Variants in BCAR3 observed in about 807,000 individuals in gnomAD.
The protein encoded by BCAR3 is breast cancer anti-estrogen resistance protein 3.
In BCAR3, 37 loss-of-function variants were observed where a neutral mutation model predicts 80.1. That is an observed-to-expected ratio of 0.46 (90% CI 0.36 to 0.61). The LOEUF (loss-of-function observed/expected upper bound fraction) is 0.61, where lower values mean the gene tolerates loss of function less well. Among genes scored for constraint, BCAR3 ranks in the 20% least tolerant of loss-of-function variants. BCAR3 has a pLI of 0.00. For synonymous variants in BCAR3, 389 were observed against 418.9 expected (o/e 0.93, Z 0.87); for missense variants, 978 against 1,068.2 (o/e 0.92, Z 1.18).
chr1:93,801,160 T>C (rs74101551), intron 2 of BCAR3, among the ~76,000 whole-genome samples: 21,521 of 152,250 alleles, frequency 0.14, 2,477 homozygotes, highest in African/African-American at 0.31. Flanking sequence ...TTTAGATGTC[T>C]TGTTTTCTTG....
chr1:93,719,294 T>C (rs546723066), intron 2 of BCAR3, among the ~76,000 whole-genome samples: 1 of 149,588 alleles, frequency 6.7e-6, no homozygotes, highest in African/African-American at 2.4e-5. Context: ...GACAAAGAAA[T>C]TAAAAAGGAG....
intron 2 of BCAR3, among the ~76,000 whole-genome samples, chr1:93,646,315 T>C (rs1162618754): frequency 6.6e-6 from 1 of 152,156 alleles, no homozygotes; most frequent in East Asian, 1.9e-4. Flanking sequence ...TTTAAAATTA[T>C]TGGTAGGCTG....
intron 2 of BCAR3, among the ~76,000 whole-genome samples, chr1:93,774,295 T>G (rs972702285): frequency 6.6e-6 from 1 of 151,864 alleles, no homozygotes; most frequent in Non-Finnish European, 1.5e-5. Context: ...ACCATCCTGG[T>G]CAACATGGTG....
At chr1:93,817,648 C>T (rs1557698201) in intron 2 of BCAR3, among the ~76,000 whole-genome samples, 2 of 152,148 alleles carry the variant, frequency 1.3e-5, no homozygotes, top group Non-Finnish European at 2.9e-5. Context: ...TCTCTGGCAG[C>T]ATTCCCAATC....
At chr1:93,668,416 G>C (rs1188152625) in intron 2 of BCAR3, among the ~76,000 whole-genome samples, 8 of 152,186 alleles carry the variant, frequency 5.3e-5, no homozygotes. Context: ...TGCAGGGGCT[G>C]AGCTCACCTC....
intron 11 of BCAR3, among the ~76,000 whole-genome samples, chr1:93,563,342 T>A (rs1213248899): frequency 3.3e-5 from 5 of 152,212 alleles, no homozygotes; most frequent in Non-Finnish European, 7.4e-5. Context: ...TCACTTAGCA[T>A]GATGTTTTTG....
chr1:93,632,115 A>G (rs183770652), intron 3 of BCAR3, among the ~76,000 whole-genome samples: 189 of 152,354 alleles, frequency 1.2e-3, no homozygotes, highest in Non-Finnish European at 1.8e-3. Flanking sequence ...AGATGCAGAG[A>G]TGCGTCCAAA....
intron 7 of BCAR3, 29 bp downstream of exon 7, chr1:93,582,272 A>G (rs764524964): frequency 6.3e-7 from 1 of 1,596,270 alleles, no homozygotes; most frequent in Non-Finnish European, 8.5e-7. Flanking sequence ...TTGAAAAGCC[A>G]GAGGAGCACC....
intron 11 of BCAR3, among the ~76,000 whole-genome samples, chr1:93,564,287 T>A (rs1672832742): frequency 8.6e-6 from 1 of 116,650 alleles, no homozygotes; most frequent in East Asian, 2.3e-4. Context: ...AATTTCTTTC[T>A]TTCTTTTTTT....
intron 2 of BCAR3, among the ~76,000 whole-genome samples, chr1:93,651,802 C>T (rs1026818881): frequency 6.6e-6 from 1 of 152,198 alleles, no homozygotes; most frequent in Non-Finnish European, 1.5e-5. Flanking sequence ...ACACTCCCTT[C>T]CCCTCCCCCT....
intron 3 of BCAR3, among the ~76,000 whole-genome samples, chr1:93,627,893 T>C (rs903391104): frequency 1.3e-5 from 2 of 152,300 alleles, no homozygotes. Context: ...AAGTTTTCAG[T>C]ATCTTACCTA....
Position 93,705,845 on chromosome 1 carries a change from G to T in BCAR3, c.-12+247C>A, listed in dbSNP as rs374078235. On this transcript the variant is annotated intron_variant, in intron 3 of 13. Transcript: ENST00000370244. ...ATATCATATTGTCATTACTGGAAGGGAGAGGATAGGAAAGGAGGTGGCTGA... is the reference window on the plus strand; with the variant it reads ...ATATCATATTGTCATTACTGGAAGGTAGAGGATAGGAAAGGAGGTGGCTGA... 7.9e-5 allele frequency among the ~76,000 whole-genome samples: 12 copies of T among 151,746 alleles called. No homozygotes were observed. In the East Asian group the frequency reaches 2.3e-3, roughly 29 times the overall value.
chr1:93,589,399 C>T lies in BCAR3; in HGVS notation c.507G>A (p.Gln169=). The change falls in exon 5 of 12, where the codon CAG becomes CAA. Residue 169 remains glutamine, a synonymous_variant. Transcript: ENST00000260502. ...CACGAACTAGGAAGTCACCATCTCG[C>T]TGCACAAGGTTTTCAGACACCTTTG... ...IPRQVSENLV[Q]RDGDFLVRDS... is the part of the protein sequence containing the mutation. The T allele has an allele frequency of 6.2e-7, 1 of 1,612,052 alleles. No homozygotes were observed. Among genetic ancestry groups the T allele is most frequent in the Non-Finnish European group, 8.5e-7 (1 of 1,179,842 alleles).
At chr1:93,782,032 A>T (rs1378033720) in intron 2 of BCAR3, among the ~76,000 whole-genome samples, 2 of 152,224 alleles carry the variant, frequency 1.3e-5, no homozygotes, top group Non-Finnish European at 2.9e-5. Context: ...ACCCAGATCA[A>T]TGTGAAGTCT....
chr1:93,842,506 C>T (rs542496244), intron 2 of BCAR3, among the ~76,000 whole-genome samples: 96 of 152,304 alleles, frequency 6.3e-4, no homozygotes, highest in African/African-American at 2.2e-3. Context: ...TTTTTCATCT[C>T]TGTATGCCCC....
intron 7 of BCAR3, among the ~76,000 whole-genome samples, chr1:93,577,175 G>A (rs1036037529): frequency 6.6e-6 from 1 of 152,030 alleles, no homozygotes; most frequent in East Asian, 1.9e-4. Context: ...AAAATTAAAC[G>A]GCGGCTAATG....
chr1:93,615,612 C>A (rs541838482), intron 3 of BCAR3, among the ~76,000 whole-genome samples: 46 of 152,124 alleles, frequency 3.0e-4, no homozygotes, highest in Non-Finnish European at 6.0e-4. Context: ...GCTGGAAGAG[C>A]CCTTGAAGAC....
intron 2 of BCAR3, among the ~76,000 whole-genome samples, chr1:93,800,447 G>A (rs769778091): frequency 6.6e-6 from 1 of 152,088 alleles, no homozygotes; most frequent in Non-Finnish European, 1.5e-5. Flanking sequence ...GTGGTGGTGT[G>A]CACCTGTAAT....
At chr1:93,779,316 G>C (rs1235757091) in intron 2 of BCAR3, among the ~76,000 whole-genome samples, 1 of 152,172 alleles carries the variant, frequency 6.6e-6, no homozygotes, top group Non-Finnish European at 1.5e-5. Flanking sequence ...GCTGTTTATT[G>C]AGCTGTGTTG....
Sources: allele counts gnomAD v4.1 joint callset (sites outside exome capture counted in the v4.1 genomes callset), GRCh38; gene constraint gnomAD v4.1.1; transcripts MANE v1.5; gene names NCBI Gene and HGNC (gene_info 2026-07-23, HGNC 2026-07-21).